CTNNA3: variants seen among roughly 807,000 people sequenced by gnomAD.
CTNNA3 encodes the protein catenin alpha 3.
CTNNA3 carries 76 observed loss-of-function variants against 95.7 expected under a neutral mutation model. The observed-to-expected ratio is 0.79, with a 90% CI of 0.66 to 0.96. The LOEUF (loss-of-function observed/expected upper bound fraction) is 0.96, where lower values mean the gene tolerates loss of function less well. Among genes scored for constraint, CTNNA3 ranks in the 40% least tolerant of loss-of-function variants. The pLI, the probability that CTNNA3 is intolerant of heterozygous loss-of-function variation, is 0.00. For synonymous variants in CTNNA3, 431 were observed against 374.4 expected (o/e 1.15, Z -1.74); for missense variants, 1,191 against 1,089.8 (o/e 1.09, Z -1.31).
intron 1 of CTNNA3, among the ~76,000 whole-genome samples, chr10:67,760,449 T>A (rs887767949): frequency 1.4e-4 from 21 of 152,192 alleles, no homozygotes; most frequent in African/African-American, 5.1e-4. Context: ...TGTCACTTAA[T>A]GATATGTTCT....
intron 3 of CTNNA3, among the ~76,000 whole-genome samples, chr10:67,569,874 C>T (rs1206696417): frequency 1.3e-5 from 2 of 152,074 alleles, no homozygotes; most frequent in Admixed American, 6.6e-5. Flanking sequence ...TGGATCTTAG[C>T]TCATCCCTTC....
chr10:67,438,902 T>C (rs1846397543), intron 5 of CTNNA3, among the ~76,000 whole-genome samples: 1 of 152,146 alleles, frequency 6.6e-6, no homozygotes, highest in South Asian at 2.1e-4. Flanking sequence ...ATCCCAGTGG[T>C]CAGAACTTGA....
intron 9 of CTNNA3, among the ~76,000 whole-genome samples, chr10:66,622,227 C>A (rs773882644): frequency 1.3e-5 from 2 of 152,090 alleles, no homozygotes; most frequent in Non-Finnish European, 2.9e-5. Context: ...ATGACTGTAT[C>A]TTTATACATT....
intron 6 of CTNNA3, among the ~76,000 whole-genome samples, chr10:67,186,657 C>T (rs1040970547): frequency 2.6e-5 from 4 of 152,238 alleles, no homozygotes; most frequent in East Asian, 1.9e-4. Context: ...TTACCTCTTC[C>T]GATGCACAAT....
chr10:67,500,978 T>G (rs139323075), intron 5 of CTNNA3, among the ~76,000 whole-genome samples: 16 of 152,354 alleles, frequency 1.1e-4, no homozygotes, highest in South Asian at 2.1e-4. Flanking sequence ...AAGGTTAATA[T>G]TGTTATGTGT....
At chr10:67,227,095 T>TC (rs1864958171) in intron 5 of CTNNA3, among the ~76,000 whole-genome samples, 2 of 138,704 alleles carry the variant, frequency 1.4e-5, no homozygotes, top group African/African-American at 5.3e-5. Context: ...TTTTTTTTTC[T>TC]TTTTTTTTTT....
chr10:66,941,365 T>C (rs1283246747), intron 7 of CTNNA3, among the ~76,000 whole-genome samples: 2 of 152,212 alleles, frequency 1.3e-5, no homozygotes, highest in African/African-American at 4.8e-5. Flanking sequence ...TATCAAGATT[T>C]ATGACATAAG....
At chr10:66,083,034 A>ATT (rs78959965) in intron 14 of CTNNA3, among the ~76,000 whole-genome samples, 22 of 148,998 alleles carry the variant, frequency 1.5e-4, no homozygotes, top group African/African-American at 3.7e-4. Context: ...GTCTAAAACT[A>ATT]TTTTTTTTTC....
intron 13 of CTNNA3, among the ~76,000 whole-genome samples, chr10:66,204,510 T>C (rs368314893): frequency 6.6e-6 from 1 of 152,102 alleles, no homozygotes; most frequent in Non-Finnish European, 1.5e-5. Context: ...CCTTCTAAAG[T>C]TTTGGCATGC....
intron 4 of CTNNA3, among the ~76,000 whole-genome samples, chr10:67,522,506 G>A (rs1330042124): frequency 1.3e-5 from 2 of 152,014 alleles, no homozygotes; most frequent in East Asian, 3.9e-4. Flanking sequence ...ATTTTGAGAA[G>A]GAAGGAAAAC....
chr10:67,654,717 G>GT (rs1261857125), intron 1 of CTNNA3, among the ~76,000 whole-genome samples: 1 of 152,170 alleles, frequency 6.6e-6, no homozygotes, highest in Admixed American at 6.5e-5. Flanking sequence ...TACTGTAATA[G>GT]TTTTTTAAAT....
intron 5 of CTNNA3, among the ~76,000 whole-genome samples, chr10:67,477,155 T>C (rs893154032): frequency 1.3e-5 from 2 of 152,018 alleles, no homozygotes; most frequent in African/African-American, 4.8e-5. Flanking sequence ...CTCACTTTCC[T>C]GGACTAAGAG....
chr10:65,986,906 T>C (rs1209969444), intron 16 of CTNNA3, among the ~76,000 whole-genome samples: 3 of 148,788 alleles, frequency 2.0e-5, no homozygotes, highest in African/African-American at 7.4e-5. Context: ...CAAAAATAAA[T>C]TCACATATTT....
chr10:66,802,464 G>A (rs754758143), intron 7 of CTNNA3, among the ~76,000 whole-genome samples: 1 of 151,620 alleles, frequency 6.6e-6, no homozygotes, highest in African/African-American at 2.4e-5. Context: ...CACTAGAATG[G>A]CTAAAATTAA....
chr10:66,200,460 T>C (rs138556427), intron 13 of CTNNA3, among the ~76,000 whole-genome samples: 159 of 152,316 alleles, frequency 1.0e-3, no homozygotes, highest in African/African-American at 3.7e-3. Context: ...CATTTTGAGA[T>C]AGGACTGGAG....
chr10:67,416,673 A>G (rs1034128351), intron 5 of CTNNA3, among the ~76,000 whole-genome samples: 5 of 152,028 alleles, frequency 3.3e-5, no homozygotes, highest in South Asian at 2.1e-4. Context: ...TCAAAAGAAG[A>G]TAAGTGGCCA....
At chr10:66,732,885 T>A (rs1233718762) in intron 9 of CTNNA3, among the ~76,000 whole-genome samples, 2 of 152,084 alleles carry the variant, frequency 1.3e-5, no homozygotes, top group Non-Finnish European at 2.9e-5. Flanking sequence ...AACCTCCACC[T>A]CCCAGGTTCA....
intron 11 of CTNNA3, among the ~76,000 whole-genome samples, chr10:66,437,593 A>C (rs1275126484): frequency 6.6e-6 from 1 of 151,490 alleles, no homozygotes; most frequent in African/African-American, 2.4e-5. Context: ...TCCTAGGGAG[A>C]CCTAGGGGAA....
intron 12 of CTNNA3, among the ~76,000 whole-genome samples, chr10:66,339,378 T>C (rs972771231): frequency 6.6e-6 from 1 of 151,858 alleles, no homozygotes; most frequent in Non-Finnish European, 1.5e-5. Context: ...AATTTCTATA[T>C]TATAAACATA....
Sources: gnomAD v4.1 joint callset for allele counts (sites outside exome capture counted in the v4.1 genomes callset) on GRCh38, gnomAD v4.1.1 for gene constraint, MANE v1.5 for transcripts, NCBI Gene and HGNC (gene_info 2026-07-23, HGNC 2026-07-21) for gene names.